The following FZD5 variants were observed in gnomAD, a reference collection of about 807,000 sequenced individuals.
FZD5 encodes the protein frizzled-5.
In FZD5, 12 loss-of-function variants were observed where a neutral mutation model predicts 40.8. That is an observed-to-expected ratio of 0.29 (90% CI 0.19 to 0.48). FZD5 has a LOEUF of 0.48. Among genes scored for constraint, FZD5 ranks in the 20% least tolerant of loss-of-function variants. FZD5 has a pLI of 0.99. For missense variants in FZD5, 622 were observed against 832.8 expected (o/e 0.75, Z 3.12); for synonymous variants, 380 against 383.7 (o/e 0.99, Z 0.11).
At chr2:207,769,179 G>A in intron 1 of FZD5, 86 bp downstream of exon 1, 1 of 169,988 alleles carries the variant, frequency 5.9e-6, no homozygotes, top group Admixed American at 6.1e-5. Flanking sequence ...GGCCCTTCAG[G>A]CAGTGCCCGG....
Position 207,768,736 on chromosome 2 carries a change from C to A in FZD5, c.4G>T (p.Ala2Ser). 1 of 1,559,862 alleles carries A rather than the reference C, an allele frequency of 6.4e-7. No individual in the cohort carries two copies. Among genetic ancestry groups the A allele is most frequent in the South Asian group, 1.2e-5 (1 of 84,284 alleles). The change falls in exon 2 of 2, where the codon GCT (alanine) becomes TCT (serine). Residue 2 changes from alanine to serine, a missense_variant. Coordinates refer to ENST00000295417, the MANE Select transcript of FZD5 (RefSeq NM_003468.4). Reference sequence around the variant, plus strand: ...GGCGGCGCGGATGGGTCAGGCCGAGCCATCGCCCCCTCCCTCCCCTCGCCT... The same window carrying A: ...GGCGGCGCGGATGGGTCAGGCCGAGACATCGCCCCCTCCCTCCCCTCGCCT... M[A>S]RPDPSAPPSL...
rs1248736604 is a variant in FZD5 at position 207,764,773 on chromosome 2, A to G, written c.*2209T>C. On this transcript the variant is annotated 3_prime_UTR_variant, in exon 2 of 2. Transcript: ENST00000295417. The stretch of plus-strand genomic sequence containing the variant: ...GAAGGAGGGACAACCCAAATGAGGC[A>G]CAATGACTGAAGGCAGCAGAGCAGT... 1.3e-5 allele frequency: 2 copies of G among 152,256 alleles called. No individual in the cohort carries two copies. The highest frequency in any genetic ancestry group is 1.3e-4 in the Admixed American group (2 of 15,288). 9.4% of individuals were successfully genotyped at this position (152,256 alleles called of 1,614,324 possible).
At position 207,767,225 on chromosome 2, in the gene FZD5, G is replaced by A; in HGVS notation, c.1515C>T (p.Leu505=). ...CCACCACCAGGCACATGAAGTACTT[G>A]AGCATGAGCACCCAGTACTCGGGCT... is the stretch of plus-strand genomic sequence containing the variant. The part of the protein sequence containing the change: ...RAKPEYWVLM[L]KYFMCLVVGI... Residue 505 remains leucine (L), a synonymous_variant, in exon 2 of 2, where the codon CTC becomes CTT. Transcript: ENST00000295417. 1 of 1,609,754 alleles carries A rather than the reference G, an allele frequency of 6.2e-7. No homozygotes were observed. The highest frequency in any genetic ancestry group is 1.1e-5 in the South Asian group (1 of 90,686).
Position 207,768,692 on chromosome 2 carries a change from G to A in FZD5, c.48C>T (p.Leu16=), listed in dbSNP as rs776714063. 1.9e-6 allele frequency: 3 copies of A among 1,603,316 alleles called. No homozygotes were observed. Among genetic ancestry groups the A allele is most frequent in the Non-Finnish European group, 2.6e-6 (3 of 1,175,396 alleles). Residue 16 remains leucine (L), a synonymous_variant, in exon 2 of 2, where the codon CTC becomes CTT. Coordinates refer to ENST00000295417, the MANE Select transcript of FZD5 (RefSeq NM_003468.4). ...PSAPPSLLLL[L]LAQLVGRAAA... is the part of the protein sequence containing the mutation. ...CCGCCCGGCCCACCAGCTGCGCTAG[G>A]AGCAGCAGCAACAGCGAGGGCGGCG... is the stretch of plus-strand genomic sequence containing the variant.
At position 207,767,166 on chromosome 2, in the gene FZD5, T is replaced by C. The variant is rs1288137678; in HGVS notation, c.1574A>G (p.Lys525Arg). 6.3e-7 allele frequency: 1 copy of C among 1,587,578 alleles called. No homozygotes were observed. The part of the protein sequence containing the change: ...ITSGVWIWSG[K>R]TVESWRRFTS... ...GAAACGCCGCCACGACTCCACCGTC[T>C]TGCCCGACCAGATCCAGACGCCCGA... Residue 525 changes from lysine (K) to arginine (R), a missense_variant, in exon 2 of 2, where the codon AAG (lysine) becomes AGG (arginine). Transcript: ENST00000295417.
chr2:207,765,540 A>C lies in FZD5; in HGVS notation c.*1442T>G, dbSNP rs534070908. 1 of 152,340 alleles carries C rather than the reference A, an allele frequency of 6.6e-6. No homozygotes were observed. 9.4% of individuals were successfully genotyped at this position (152,340 alleles called of 1,614,324 possible). A position where few individuals can be genotyped will look rare whatever the true frequency, so the allele number is the denominator to read the frequency against. On this transcript the variant is annotated 3_prime_UTR_variant, in exon 2 of 2. Coordinates refer to ENST00000295417, the MANE Select transcript of FZD5 (RefSeq NM_003468.4). The stretch of plus-strand genomic sequence containing the variant: ...AAAGCAAACCAAATTCTCTAATTGC[A>C]AAGTGTGTGTGTGTGTGATCATCAA...
At position 207,768,185 on chromosome 2, in the gene FZD5, C is replaced by G; in HGVS notation, c.555G>C (p.Gly185=). The change falls in exon 2 of 2, where the codon GGG becomes GGC. Residue 185 remains glycine (G), a synonymous_variant. Transcript: ENST00000295417. ...CGCGACACTTGCACACGAACGGGCC[C>G]CCAGCGGGGCATTCGCCCCCCGAGG... The part of the protein sequence containing the change: ...APASGGECPA[G]GPFVCKCREP... 6 of 1,600,182 alleles carry G rather than the reference C, an allele frequency of 3.7e-6. No homozygotes were observed. The highest frequency in any genetic ancestry group is 5.1e-6 in the Non-Finnish European group (6 of 1,177,480).
Position 207,768,021 on chromosome 2 carries a change from C to A in FZD5, c.719G>T (p.Gly240Val). 5 of 1,611,328 alleles carry A rather than the reference C, an allele frequency of 3.1e-6. No individual in the cohort carries two copies. The highest frequency in any genetic ancestry group is 1.1e-5 in the South Asian group (1 of 90,552). The change falls in exon 2 of 2, where the codon GGC becomes GTC. Residue 240 changes from glycine (G) to valine (V), a missense_variant. Physicochemically the swap from Gly to Val is moderately radical, Grantham distance 109. Around this residue, in one of 4 missense-constraint regions of FZD5, gnomAD observed 208 missense variants for 348.9 expected, o/e 0.60. Coordinates refer to ENST00000295417, the MANE Select transcript of FZD5 (RefSeq NM_003468.4). ...DERTFATFWI[G>V]LWSVLCFIST... ...GATGAAGCACAGCACCGACCACAGG[C>A]CTATCCAGAAGGTGGCGAACGTGCG...
chr2:207,764,533 C>CT lies in FZD5; in HGVS notation c.*2448dup, dbSNP rs1329763933. On this transcript the variant is annotated 3_prime_UTR_variant, in exon 2 of 2. Coordinates refer to ENST00000295417, the MANE Select transcript of FZD5 (RefSeq NM_003468.4). ...CAAAGAAGTGCTTCTGAAAGTTGGT[C>CT]TGGAATTAGACCCCAAAGATCCTGA... 7 of 152,198 alleles carry CT rather than the reference C, an allele frequency of 4.6e-5. No individual in the cohort carries two copies. Among genetic ancestry groups the CT allele is most frequent in the African/African-American group, 1.7e-4 (7 of 41,444 alleles). 9.4% of individuals were successfully genotyped at this position (152,198 alleles called of 1,614,324 possible). A position where few individuals can be genotyped will look rare whatever the true frequency, so the allele number is the denominator to read the frequency against.
rs1213618671 is a variant in FZD5, at chr2:207,767,384, G to T, written c.1356C>A (p.Ile452=). The change falls in exon 2 of 2, where the codon ATC becomes ATA. Residue 452 remains isoleucine, a synonymous_variant. Coordinates refer to ENST00000295417, the MANE Select transcript of FZD5 (RefSeq NM_003468.4). ...CGGGGACCGTGTAGAGCAGCGTGAA[G>T]ATGCCGATGCGGATCATGAGCTTCT... ...KLEKLMIRIG[I]FTLLYTVPAS... is the part of the protein sequence containing the mutation. 6.2e-7 allele frequency: 1 copy of T among 1,612,672 alleles called. No homozygotes were observed. Among genetic ancestry groups the T allele is most frequent in the Non-Finnish European group, 8.5e-7 (1 of 1,179,936 alleles).
chr2:207,768,190 C>G lies in FZD5; in HGVS notation c.550G>C (p.Ala184Pro), dbSNP rs2091990549. ...CACTTGCACACGAACGGGCCCCCAGCGGGGCATTCGCCCCCCGAGGCCGGC... is the reference window on the plus strand; with the variant it reads ...CACTTGCACACGAACGGGCCCCCAGGGGGGCATTCGCCCCCCGAGGCCGGC... ...GAPASGGECPAGGPFVCKCRE... is the reference protein window; with the variant it reads ...GAPASGGECPPGGPFVCKCRE... The change falls in exon 2 of 2, where the codon GCT (alanine) becomes CCT (proline). Residue 184 changes from alanine (A) to proline (P), a missense_variant. This residue lies in a region of FZD5 where 116 missense variants were observed against 117.7 expected (regional missense o/e 0.99). Coordinates refer to ENST00000295417, the MANE Select transcript of FZD5 (RefSeq NM_003468.4). 1 of 1,596,636 alleles carries G rather than the reference C, an allele frequency of 6.3e-7. No homozygotes were observed. The highest frequency in any genetic ancestry group is 1.1e-5 in the South Asian group (1 of 90,054).
In FZD5 at chr2:207,763,763, T is replaced by C. The variant is rs1368958173; in HGVS notation, c.*3219A>G. 2 of 152,728 alleles carry C rather than the reference T, an allele frequency of 1.3e-5. No homozygotes were observed. Among genetic ancestry groups the C allele is most frequent in the African/African-American group, 2.4e-5 (1 of 41,454 alleles). The allele number at this position is 152,728 out of a possible 1,614,324, so 9.5% of individuals were successfully genotyped here. A position where few individuals can be genotyped will look rare whatever the true frequency, so the allele number is the denominator to read the frequency against. ...CGGATGCTGTTATTAAGGTTTGGTG[T>C]GTGATCCATGAGGTTTTCTCCTGGC... On this transcript the variant is annotated 3_prime_UTR_variant, in exon 2 of 2. Transcript: ENST00000295417.
chr2:207,769,069 G>A (rs2091997867), intron 1 of FZD5, 75 bp from the exon 2 acceptor site: 1 of 360,162 alleles, frequency 2.8e-6, no homozygotes, highest in African/African-American at 2.2e-5. Flanking sequence ...CGGTCCCCGC[G>A]AGCTGTCTCC....
At position 207,767,625 on chromosome 2, in the gene FZD5, G is replaced by C; in HGVS notation, c.1115C>G (p.Ser372Cys). Residue 372 changes from serine (S) to cysteine (C), a missense_variant, in exon 2 of 2, where the codon TCC (serine) becomes TGC (cysteine). Ser to Cys is a moderately radical substitution (Grantham distance 112, BLOSUM62 -1). Around this residue, in one of 4 missense-constraint regions of FZD5, gnomAD observed 208 missense variants for 348.9 expected, o/e 0.60. Coordinates refer to ENST00000295417, the MANE Select transcript of FZD5 (RefSeq NM_003468.4). Reference protein sequence around the residue: ...LAAWLIPSVKSITALALSSVD... With the variant: ...LAAWLIPSVKCITALALSSVD... ...GGAGCTCAGCGCCAGTGCCGTGATG[G>C]ACTTGACGCTGGGGATGAGCCACGC... 1 of 1,613,046 alleles carries C rather than the reference G, an allele frequency of 6.2e-7. No homozygotes were observed. The highest frequency in any genetic ancestry group is 8.5e-7 in the Non-Finnish European group (1 of 1,179,720).
rs1163682791 is a variant in FZD5, at chr2:207,763,999, TTCCAG to T, written c.*2978_*2982del. The stretch of plus-strand genomic sequence containing the variant: ...CCAATAAGGCACCAAGAAAAATTAT[TTCCAG>T]TCAATTTTACCATTTCAAAATGTGA... On this transcript the variant is annotated 3_prime_UTR_variant, in exon 2 of 2. Coordinates refer to ENST00000295417, the MANE Select transcript of FZD5 (RefSeq NM_003468.4). 6.6e-6 allele frequency: 1 copy of T among 152,634 alleles called. No individual in the cohort carries two copies. Among genetic ancestry groups the T allele is most frequent in the Non-Finnish European group, 1.5e-5 (1 of 68,044 alleles). The allele number at this position is 152,634 out of a possible 1,614,324, so 9.5% of individuals were successfully genotyped here.
rs1184574574 is a variant in FZD5 at position 207,767,740 on chromosome 2, C to T, written c.1000G>A (p.Val334Ile). The T allele has an allele frequency of 6.2e-7, 1 of 1,614,146 alleles. No homozygotes were observed. Among genetic ancestry groups the T allele is most frequent in the South Asian group, 1.1e-5 (1 of 91,074 alleles). ...AGGAACCAGGTGAGCGACAGGATGA[C>T]CCACCAGATGGAGCTGGCCATGCCG... is the stretch of plus-strand genomic sequence containing the variant. ...FFGMASSIWW[V>I]ILSLTWFLAA... is the part of the protein sequence containing the mutation. Residue 334 changes from valine to isoleucine, a missense_variant, in exon 2 of 2, where the codon GTC (valine) becomes ATC (isoleucine). Physicochemically the swap from Val to Ile is conservative, Grantham distance 29. This residue lies in a region of FZD5 where 208 missense variants were observed against 348.9 expected (regional missense o/e 0.60). Transcript: ENST00000295417.
At position 207,767,225 on chromosome 2, in the gene FZD5, G is replaced by T. The variant is rs1158259937; in HGVS notation, c.1515C>A (p.Leu505=). 5.6e-6 allele frequency: 9 copies of T among 1,609,636 alleles called. No individual in the cohort carries two copies. In the Middle Eastern group the frequency reaches 4.9e-4, roughly 88 times the overall value. The change falls in exon 2 of 2, where the codon CTC becomes CTA. Residue 505 remains leucine (L), a synonymous_variant. Coordinates refer to ENST00000295417, the MANE Select transcript of FZD5 (RefSeq NM_003468.4). ...CCACCACCAGGCACATGAAGTACTT[G>T]AGCATGAGCACCCAGTACTCGGGCT... ...RAKPEYWVLM[L]KYFMCLVVGI... is the part of the protein sequence containing the mutation.
Position 207,765,004 on chromosome 2 carries a change from G to C in FZD5, c.*1978C>G, listed in dbSNP as rs1329850903. 6.6e-6 allele frequency: 1 copy of C among 152,188 alleles called. No individual in the cohort carries two copies. The highest frequency in any genetic ancestry group is 1.5e-5 in the Non-Finnish European group (1 of 68,036). 9.4% of individuals were successfully genotyped at this position (152,188 alleles called of 1,614,324 possible). ...GTAGCTATTTGTACGAGGTTTTGTA[G>C]AATCCACTGAAATTTTAATTCAGAG... On this transcript the variant is annotated 3_prime_UTR_variant, in exon 2 of 2. Coordinates refer to ENST00000295417, the MANE Select transcript of FZD5 (RefSeq NM_003468.4).
Position 207,767,425 on chromosome 2 carries a change from T to G in FZD5, c.1315A>C (p.Lys439Gln). ...ATGAGCTTCTCCAGCTTGTCCGTCT[T>G]GGTGCCGCCCTGCTTGATGACGCTG... The part of the protein sequence containing the change: ...IRSVIKQGGT[K>Q]TDKLEKLMIR... Residue 439 changes from lysine (K) to glutamine (Q), a missense_variant, in exon 2 of 2, where the codon AAG becomes CAG. Physicochemically the swap from Lys to Gln is moderately conservative, Grantham distance 53. Coordinates refer to ENST00000295417, the MANE Select transcript of FZD5 (RefSeq NM_003468.4). 6.2e-7 allele frequency: 1 copy of G among 1,612,712 alleles called. No individual in the cohort carries two copies. The highest frequency in any genetic ancestry group is 8.5e-7 in the Non-Finnish European group (1 of 1,179,948).
Sources: gnomAD v4.1 joint callset for allele counts on GRCh38, gnomAD v4.1.1 for gene constraint, gnomAD v4.1.1 regional missense constraint, MANE v1.5 for transcripts, NCBI Gene and HGNC (gene_info 2026-07-23, HGNC 2026-07-21) for gene names.